The following GRAMD4 variants were observed in gnomAD, a reference collection of about 807,000 sequenced individuals.
GRAMD4 encodes the protein GRAM domain containing 4.
Under a neutral mutation model 83.9 loss-of-function variants are expected in GRAMD4, and 25 were observed. The ratio of observed to expected loss-of-function variants is 0.30; its 90% CI spans 0.22 to 0.42. GRAMD4 has a LOEUF of 0.42. GRAMD4 is among the 10% of genes least tolerant of loss of function. GRAMD4 has a pLI of 1.00. For synonymous variants in GRAMD4, 336 were observed against 320.9 expected (o/e 1.05, Z -0.50); for missense variants, 593 against 788.7 (o/e 0.75, Z 2.97).
intron 1 of GRAMD4, among the ~76,000 whole-genome samples, chr22:46,624,912 G>A (rs1448026712): frequency 6.7e-6 from 1 of 148,816 alleles, no homozygotes; most frequent in East Asian, 2.0e-4. Context: ...CCAGGCTGGA[G>A]TGCAGTGGCG....
intron 3 of GRAMD4, among the ~76,000 whole-genome samples, chr22:46,640,162 C>T (rs116732776): frequency 0.024 from 3,687 of 152,338 alleles, 113 homozygotes; most frequent in African/African-American, 0.058. Flanking sequence ...CTGCCTTATC[C>T]GCTGAACCTC....
chr22:46,626,864 C>T lies in GRAMD4; in HGVS notation c.65C>T (p.Ala22Val), dbSNP rs370713440. The part of the protein sequence containing the change: ...GHKRDDFLDL[A>V]ESPNASDTEC... ...AAGAGAGATGACTTCCTCGATCTAG[C>T]GGAGTCTCCAAATGCCTCGGACACC... The change falls in exon 2 of 19, where the codon GCG becomes GTG. Residue 22 changes from alanine (A) to valine (V), a missense_variant. This residue lies in a region of GRAMD4 where 312 missense variants were observed against 350.7 expected (regional missense o/e 0.89). Coordinates refer to ENST00000406902, the MANE Select transcript of GRAMD4 (RefSeq NM_015124.5). 20 of 1,613,756 alleles carry T rather than the reference C, an allele frequency of 1.2e-5. No homozygotes were observed. The highest frequency in any genetic ancestry group is 1.4e-5 in the Non-Finnish European group (16 of 1,179,728).
At chr22:46,664,335 G>A (rs1463598985) in intron 8 of GRAMD4, among the ~76,000 whole-genome samples, 2 of 152,212 alleles carry the variant, frequency 1.3e-5, no homozygotes, top group African/African-American at 4.8e-5. Context: ...GGCGTGGCCC[G>A]GGGCTAGCCT....
intron 9 of GRAMD4, among the ~76,000 whole-genome samples, chr22:46,666,456 T>G (rs1403747105): frequency 6.6e-6 from 1 of 152,086 alleles, no homozygotes; most frequent in African/African-American, 2.4e-5. Flanking sequence ...TTGAAAATGT[T>G]TTTTGTAGAA....
In GRAMD4 at chr22:46,677,813, TTGGTGCCGGGC is replaced by T. The variant is rs1316433270; in HGVS notation, c.*566_*576del. The T allele has an allele frequency of 1.6e-5, 16 of 985,186 alleles. No individual in the cohort carries two copies. Among genetic ancestry groups the T allele is most frequent in the Non-Finnish European group, 1.8e-5 (15 of 830,104 alleles). 61.0% of individuals were successfully genotyped at this position (985,186 alleles called of 1,614,324 possible). On this transcript the variant is annotated 3_prime_UTR_variant, in exon 19 of 19. Transcript: ENST00000406902. Reference sequence around the variant, plus strand: ...TGAGACCCTCCTGTGGCATTTGCCCTTGGTGCCGGGCTGGGGCCGGGCGCAGTGACCCTGCC... The same window carrying T: ...TGAGACCCTCCTGTGGCATTTGCCCTTGGGGCCGGGCGCAGTGACCCTGCC...
chr22:46,646,980 G>A (rs1443412228), intron 3 of GRAMD4, among the ~76,000 whole-genome samples: 1 of 152,092 alleles, frequency 6.6e-6, no homozygotes, highest in Non-Finnish European at 1.5e-5. Context: ...ACTCCTTCAC[G>A]ATCACAACAA....
At chr22:46,676,451 C>T in intron 17 of GRAMD4, 149 bp from the exon 18 acceptor site, 1 of 657,088 alleles carries the variant, frequency 1.5e-6, no homozygotes, top group Non-Finnish European at 2.7e-6. Context: ...TGTCCACAGG[C>T]CCTTACCTTC....
intron 2 of GRAMD4, among the ~76,000 whole-genome samples, chr22:46,634,996 G>T: frequency 6.6e-6 from 1 of 151,944 alleles, no homozygotes; most frequent in East Asian, 1.9e-4. Context: ...TGTCCAGCAC[G>T]CTTTTGAACT....
chr22:46,669,676 A>C (rs2082471232), intron 13 of GRAMD4, among the ~76,000 whole-genome samples: 1 of 151,470 alleles, frequency 6.6e-6, no homozygotes, highest in Non-Finnish European at 1.5e-5. Context: ...CCCGGGTTCA[A>C]GTGATTCTCC....
chr22:46,649,396 A>T (rs2082132754), intron 3 of GRAMD4, among the ~76,000 whole-genome samples: 1 of 152,202 alleles, frequency 6.6e-6, no homozygotes, highest in Non-Finnish European at 1.5e-5. Context: ...GCTGGGCCGG[A>T]GCCCCAGAGT....
chr22:46,624,349 T>TTTCC (rs1447936104), intron 1 of GRAMD4, among the ~76,000 whole-genome samples: 1 of 130,162 alleles, frequency 7.7e-6, no homozygotes, highest in Non-Finnish European at 1.6e-5. Flanking sequence ...TTTTTTTTTT[T>TTTCC]CTGAGACGGA....
intron 1 of GRAMD4, among the ~76,000 whole-genome samples, chr22:46,594,325 G>A (rs2081239666): frequency 8.3e-6 from 1 of 121,164 alleles, no homozygotes; most frequent in African/African-American, 3.0e-5. Flanking sequence ...CCCTGCCCCT[G>A]TTTTTGTGGA....
intron 13 of GRAMD4, among the ~76,000 whole-genome samples, chr22:46,671,978 C>T (rs2082513709): frequency 6.6e-6 from 1 of 152,242 alleles, no homozygotes; most frequent in South Asian, 2.1e-4. Context: ...GTACATGGAA[C>T]TCTGACCCTG....
Position 46,599,292 on chromosome 22 carries a change from C to G in GRAMD4, c.-50+22002C>G, listed in dbSNP as rs192355403. On this transcript the variant is annotated intron_variant, in intron 1 of 1. Coordinates refer to the GRAMD4 transcript ENST00000431155. ...GTGATTTTTCAGACGTTGAGCTGGT[C>G]GTTTCATAGTTGTGCTTTTAGATAC... Among the ~76,000 whole-genome samples, 87 of 151,916 alleles carry G rather than the reference C, an allele frequency of 5.7e-4. No individual in the cohort carries two copies. In the Middle Eastern group the frequency reaches 0.02, roughly 36 times the overall value.
chr22:46,655,810 G>T (rs966115249), intron 3 of GRAMD4, among the ~76,000 whole-genome samples: 2 of 152,250 alleles, frequency 1.3e-5, no homozygotes, highest in African/African-American at 4.8e-5. Context: ...CCCCGCCTTT[G>T]CTCAGCTCCG....
chr22:46,590,106 G>C (rs375116339), intron 1 of GRAMD4, among the ~76,000 whole-genome samples: 2 of 152,220 alleles, frequency 1.3e-5, no homozygotes, highest in East Asian at 3.9e-4. Flanking sequence ...GGGCAGAGCC[G>C]TGGCAGTCAG....
Position 46,675,531 on chromosome 22 carries a change from G to A in GRAMD4, c.1542G>A (p.Val514=). ...AGAGGAACAAAGTCATCAAGCTAGT[G>A]GACATCACGGACATCCAGAAGGTTG... ...SSKRNKVIKL[V]DITDIQKYKV... is the part of the protein sequence containing the mutation. Residue 514 remains valine, a synonymous_variant, in exon 17 of 19, where the codon GTG becomes GTA. Transcript: ENST00000406902. 2 of 1,610,930 alleles carry A rather than the reference G, an allele frequency of 1.2e-6. No homozygotes were observed. Among genetic ancestry groups the A allele is most frequent in the Non-Finnish European group, 1.7e-6 (2 of 1,177,284 alleles).
At chr22:46,579,316 G>C (rs6008919) in intron 1 of GRAMD4, among the ~76,000 whole-genome samples, 2,521 of 152,250 alleles carry the variant, frequency 0.017, 77 homozygotes, top group African/African-American at 0.057. Flanking sequence ...TTTGCTCTCC[G>C]CTCTCCCAGG....
intron 3 of GRAMD4, among the ~76,000 whole-genome samples, chr22:46,647,404 C>CT (rs1356847285): frequency 9.8e-5 from 15 of 152,316 alleles, no homozygotes; most frequent in Middle Eastern, 3.4e-3. Context: ...CAGGACAGAT[C>CT]TTTGAGTACA....
Sources: allele counts gnomAD v4.1 joint callset (sites outside exome capture counted in the v4.1 genomes callset), GRCh38; gene constraint gnomAD v4.1.1; regional missense constraint gnomAD v4.1.1; transcripts MANE v1.5; gene names NCBI Gene and HGNC (gene_info 2026-07-23, HGNC 2026-07-21).